FRMPD4: variants seen among roughly 807,000 people sequenced by gnomAD.
FRMPD4 encodes the protein FERM and PDZ domain-containing protein 4.
A neutral mutation model predicts 94.1 loss-of-function variants in FRMPD4; 22 were observed. The observed-to-expected ratio is 0.23, with a 90% CI of 0.17 to 0.33. FRMPD4 has a LOEUF of 0.33. FRMPD4 is among the 10% of genes least tolerant of loss of function. The pLI, the probability that FRMPD4 is intolerant of heterozygous loss-of-function variation, is 1.00. For missense variants in FRMPD4, 1,111 were observed against 1,339.9 expected, an observed-to-expected ratio of 0.83 and a Z score of 2.67; for synonymous variants, 631 against 548.6, an observed-to-expected ratio of 1.15 and a Z score of -2.10.
At position 12,716,540 on chromosome X, in the gene FRMPD4, A is replaced by C; in HGVS notation, c.2081A>C (p.Asn694Thr). 2 of 1,210,217 alleles carry C rather than the reference A, an allele frequency of 1.7e-6. No homozygotes were observed. Among genetic ancestry groups the C allele is most frequent in the Non-Finnish European group, 2.2e-6 (2 of 894,288 alleles). The stretch of plus-strand genomic sequence containing the variant: ...AGAAATCTCTACATTGGCAGTGCCA[A>C]TGACATGAAGGGCCTGGATCTCACT... Reference protein sequence around the residue: ...KQRNLYIGSANDMKGLDLTPE... With the variant: ...KQRNLYIGSATDMKGLDLTPE... The change falls in exon 15 of 17, where the codon AAT becomes ACT. Residue 694 changes from asparagine (N) to threonine (T), a missense_variant. Asn to Thr is a moderately conservative substitution (Grantham distance 65). This residue lies in a region of FRMPD4 where 192 missense variants were observed against 192.5 expected (regional missense o/e 1.00). Transcript: ENST00000675598.
chrX:11,870,481 A>G (rs1403268296), intron 2 of FRMPD4, among the ~76,000 whole-genome samples: 1 of 111,664 alleles, frequency 9.0e-6, no homozygotes, highest in Non-Finnish European at 1.9e-5. Context: ...ACATGGCGCT[A>G]GGGCAGGACA....
chrX:11,943,408 T>C (rs2054172640), intron 3 of FRMPD4, among the ~76,000 whole-genome samples: 1 of 111,362 alleles, frequency 9.0e-6, no homozygotes, highest in South Asian at 3.8e-4. Flanking sequence ...ATAAAAGAAA[T>C]TTATTTCTTA....
intron 1 of FRMPD4, among the ~76,000 whole-genome samples, chrX:12,450,763 G>GAGAT (rs991530220): frequency 1.9e-5 from 2 of 106,258 alleles, no homozygotes; most frequent in Admixed American, 1.0e-4. Flanking sequence ...CTACTAAACT[G>GAGAT]AGATAGAATG....
intron 3 of FRMPD4, among the ~76,000 whole-genome samples, chrX:12,056,883 T>C (rs976966248): frequency 1.8e-5 from 2 of 111,889 alleles, no homozygotes; most frequent in Non-Finnish European, 3.8e-5. Flanking sequence ...TGCTGTAATG[T>C]TTATTTGTTA....
intron 2 of FRMPD4, among the ~76,000 whole-genome samples, chrX:12,571,856 C>CA (rs748966123): frequency 1.7e-4 from 19 of 111,586 alleles, no homozygotes; most frequent in East Asian, 1.4e-3. Flanking sequence ...TCATTTGCTT[C>CA]AAAAAAAGGT....
Position 12,417,985 on chromosome X carries a change from C to T in FRMPD4, c.42-80695C>T, listed in dbSNP as rs1483508072. Among the ~76,000 whole-genome samples, 8 of 90,580 alleles carry T rather than the reference C, an allele frequency of 8.8e-5. No individual in the cohort carries two copies. In the Admixed American group the frequency reaches 9.6e-4, roughly 11 times the overall value. 78.7% of individuals were successfully genotyped at this position (90,580 alleles called of 115,157 possible). On this transcript the variant is annotated intron_variant, in intron 1 of 16. Coordinates refer to ENST00000675598, the MANE Select transcript of FRMPD4 (RefSeq NM_001368397.1). ...CTCCAGCCTGGGCGACAGAGCAAGA[C>T]TCTGTCTCAAAAAAAAAAAAAAAAA...
chrX:12,448,621 TG>T (rs2148133014), intron 1 of FRMPD4, among the ~76,000 whole-genome samples: 1 of 112,605 alleles, frequency 8.9e-6, no homozygotes, highest in Admixed American at 9.4e-5. Context: ...CAAATGGGTT[TG>T]TTTTTTTGTG....
At chrX:12,269,355 A>AAT (rs1412828491) in intron 1 of FRMPD4, among the ~76,000 whole-genome samples, 1 of 110,370 alleles carries the variant, frequency 9.1e-6, no homozygotes, top group Non-Finnish European at 1.9e-5. Flanking sequence ...AATAAAATAA[A>AAT]AAAAAAAATC....
At chrX:12,331,644 A>T (rs1227045541) in intron 1 of FRMPD4, among the ~76,000 whole-genome samples, 1 of 79,433 alleles carries the variant, frequency 1.3e-5, no homozygotes, top group Non-Finnish European at 2.3e-5. Flanking sequence ...AATTATATAA[A>T]TTATATATTT....
intron 2 of FRMPD4, among the ~76,000 whole-genome samples, chrX:12,599,231 AT>A (rs2059061963): frequency 9.0e-6 from 1 of 111,290 alleles, no homozygotes; most frequent in Non-Finnish European, 1.9e-5. Context: ...GCCTAAAATG[AT>A]TATTTTAACA....
chrX:12,437,586 G>C (rs1217166637), intron 1 of FRMPD4, among the ~76,000 whole-genome samples: 2 of 111,224 alleles, frequency 1.8e-5, no homozygotes, highest in Admixed American at 1.9e-4. Context: ...TTGGATTCTA[G>C]TTGTTTTCCC....
chrX:11,951,262 T>C (rs2054221925), intron 3 of FRMPD4, among the ~76,000 whole-genome samples: 1 of 110,566 alleles, frequency 9.0e-6, no homozygotes, highest in Non-Finnish European at 1.9e-5. Context: ...CCCAAAAATA[T>C]GTCATTCCAC....
chrX:11,875,457 C>G (rs1435867513), intron 2 of FRMPD4, among the ~76,000 whole-genome samples: 2 of 111,574 alleles, frequency 1.8e-5, no homozygotes, highest in African/African-American at 6.5e-5. Flanking sequence ...ATCTGGAAAA[C>G]AGGCTAGAAA....
intron 4 of FRMPD4, among the ~76,000 whole-genome samples, chrX:12,634,604 G>T (rs2059425557): frequency 9.0e-6 from 1 of 110,991 alleles, no homozygotes; most frequent in Non-Finnish European, 1.9e-5. Context: ...CCACTCTTAG[G>T]ATTTATAATA....
chrX:12,344,720 C>T (rs1003258117), intron 1 of FRMPD4, among the ~76,000 whole-genome samples: 3 of 112,352 alleles, frequency 2.7e-5, no homozygotes, highest in African/African-American at 9.7e-5. Context: ...TTGACCTTTG[C>T]AGACGAGTTG....
chrX:12,717,916 G>A lies in FRMPD4; in HGVS notation c.3090G>A (p.Lys1030=), dbSNP rs1318200550. 2 of 1,210,622 alleles carry A rather than the reference G, an allele frequency of 1.7e-6. No homozygotes were observed. Among genetic ancestry groups the A allele is most frequent in the African/African-American group, 3.5e-5 (2 of 57,293 alleles). ...AYSCTSKRKS[K]LADGEGKAPP... ...CCTGCACTAGCAAAAGGAAAAGCAA[G>A]CTGGCCGATGGTGAGGGGAAGGCAC... Residue 1030 remains lysine (K), a synonymous_variant, in exon 16 of 17, where the codon AAG becomes AAA. Transcript: ENST00000675598.
intron 3 of FRMPD4, among the ~76,000 whole-genome samples, chrX:11,977,728 G>T (rs933363050): frequency 1.8e-5 from 2 of 110,739 alleles, no homozygotes; most frequent in Admixed American, 1.9e-4. Context: ...GGGGTTTGGG[G>T]GAGGGGCAGC....
At chrX:12,207,590 C>T (rs2056707402) in intron 1 of FRMPD4, among the ~76,000 whole-genome samples, 1 of 108,940 alleles carries the variant, frequency 9.2e-6, no homozygotes, top group Admixed American at 9.9e-5. Context: ...AAGAGGAGCA[C>T]ATCAGGCAGG....
At chrX:12,301,960 T>C (rs4387121) in intron 1 of FRMPD4, among the ~76,000 whole-genome samples, 38,529 of 110,956 alleles carry the variant, frequency 0.35, 4,891 homozygotes, top group Admixed American at 0.53. Flanking sequence ...AGGCTTTTAC[T>C]GTCTCCACAC....
Sources: gnomAD v4.1 joint callset for allele counts (sites outside exome capture counted in the v4.1 genomes callset) on GRCh38, gnomAD v4.1.1 for gene constraint, gnomAD v4.1.1 regional missense constraint, MANE v1.5 for transcripts, NCBI Gene and HGNC (gene_info 2026-07-23, HGNC 2026-07-21) for gene names.